DSE: variants seen among roughly 807,000 people sequenced by gnomAD.
DSE encodes the protein dermatan sulfate epimerase, also known as dermatan-sulfate epimerase.
A neutral mutation model predicts 84.4 loss-of-function variants in DSE; 36 were observed. The observed-to-expected ratio is 0.43, with a 90% CI of 0.33 to 0.56. The LOEUF (loss-of-function observed/expected upper bound fraction) is 0.56, where lower values mean the gene tolerates loss of function less well. Among genes scored for constraint, DSE ranks in the 20% least tolerant of loss-of-function variants. The probability of loss-of-function intolerance (pLI) is 0.06; values close to 1 mark genes in which losing one functional copy is unlikely to be tolerated. For synonymous variants in DSE, 410 were observed against 430.1 expected (o/e 0.95, Z 0.58); for missense variants, 862 against 1,169.6 (o/e 0.74, Z 3.84).
chr6:116,340,908 T>G (rs991956689), intron 2 of DSE, among the ~76,000 whole-genome samples: 2 of 152,260 alleles, frequency 1.3e-5, no homozygotes, highest in Non-Finnish European at 2.9e-5. Context: ...TTTGGGTTGG[T>G]TCCAAGGCTT....
intron 2 of DSE, chr6:116,412,725 G>C (rs575384043): frequency 1.3e-5 from 2 of 151,988 alleles, no homozygotes; most frequent in African/African-American, 4.8e-5. Context: ...TTTAGATTTA[G>C]GGGGTACATG....
upstream of DSE, among the ~76,000 whole-genome samples, chr6:116,369,513 AT>A (rs1779378853): frequency 6.6e-6 from 1 of 152,330 alleles, no homozygotes; most frequent in African/African-American, 2.4e-5. Context: ...AAGGTATTAT[AT>A]TGTTACACTA....
chr6:116,418,961 C>A (rs1006968165), intron 2 of DSE, among the ~76,000 whole-genome samples: 3 of 152,208 alleles, frequency 2.0e-5, no homozygotes, highest in Non-Finnish European at 4.4e-5. Context: ...GGGCACATAA[C>A]ATGTGCTTAA....
intron 2 of DSE, among the ~76,000 whole-genome samples, chr6:116,364,320 A>G (rs1422834171): frequency 6.6e-6 from 1 of 152,260 alleles, no homozygotes; most frequent in Non-Finnish European, 1.5e-5. Flanking sequence ...AAAAAGAACC[A>G]GTGTGTATTC....
At chr6:116,312,957 G>T (rs1203551954) in intron 2 of DSE, among the ~76,000 whole-genome samples, 1 of 152,040 alleles carries the variant, frequency 6.6e-6, no homozygotes, top group Admixed American at 6.6e-5. Context: ...AAATATATAT[G>T]TATATAGAAG....
rs765969508 is a variant in DSE at position 116,410,733 on chromosome 6, C to CAAAAAA, written c.416+11095_416+11100dup. 4.5e-3 allele frequency among the ~76,000 whole-genome samples: 355 copies of CAAAAAA among 79,564 alleles called. 6 individuals are homozygous for CAAAAAA. The highest frequency in any genetic ancestry group is 8.8e-3 in the Middle Eastern group (1 of 114). 52.2% of individuals were successfully genotyped at this position (79,564 alleles called of 152,430 possible). On this transcript the variant is annotated intron_variant, in intron 2 of 5. Coordinates refer to ENST00000644252, the MANE Select transcript of DSE (RefSeq NM_013352.4). ...TGGGCGACAGAGCGAGACTCTGTCT[C>CAAAAAA]AAAAAAAAAAAAAAAAAAAAAAAAA...
chr6:116,370,031 G>A, upstream of DSE: 4 of 1,086,920 alleles, frequency 3.7e-6, no homozygotes, highest in Non-Finnish European at 2.5e-6. Context: ...TGAGGTGATG[G>A]CCCTGATCCT....
chr6:116,364,702 T>G (rs1779068650), intron 2 of DSE, among the ~76,000 whole-genome samples: 1 of 152,232 alleles, frequency 6.6e-6, no homozygotes, highest in African/African-American at 2.4e-5. Flanking sequence ...AATACATTAG[T>G]GAGCTTGAGT....
At chr6:116,421,464 T>TATATATATATATATATA (rs57759351) in intron 2 of DSE, among the ~76,000 whole-genome samples, 12 of 39,836 alleles carry the variant, frequency 3.0e-4, no homozygotes, top group South Asian at 1.6e-3. Flanking sequence ...TATATATATA[T>TATATATATATATATATA]TTTTTTTTTT....
At chr6:116,370,346 T>C (rs1011263541), upstream of DSE, 36 of 511,628 alleles carry the variant, frequency 7.0e-5, no homozygotes, top group Non-Finnish European at 8.4e-5. Context: ...GTTGGTACAG[T>C]AAAAAAGAGA....
At chr6:116,316,960 A>C (rs1776019622) in intron 2 of DSE, among the ~76,000 whole-genome samples, 2 of 152,118 alleles carry the variant, frequency 1.3e-5, no homozygotes, top group Non-Finnish European at 2.9e-5. Flanking sequence ...GCAGATGCTG[A>C]TTCAGCATTA....
intron 2 of DSE, among the ~76,000 whole-genome samples, chr6:116,422,252 A>C (rs1365327168): frequency 6.6e-6 from 1 of 152,258 alleles, no homozygotes; most frequent in African/African-American, 2.4e-5. Context: ...TCATCAGAAA[A>C]ATCTTTAAGT....
intron 2 of DSE, among the ~76,000 whole-genome samples, chr6:116,342,194 TG>T (rs1304982234): frequency 1.3e-5 from 2 of 152,112 alleles, no homozygotes; most frequent in Non-Finnish European, 2.9e-5. Context: ...ATAATTATTT[TG>T]TTGGAAAGTG....
At chr6:116,259,808 A>G (rs1772328789) in intron 2 of DSE, among the ~76,000 whole-genome samples, 1 of 152,206 alleles carries the variant, frequency 6.6e-6, no homozygotes, top group Non-Finnish European at 1.5e-5. Flanking sequence ...TGTTCCTGCA[A>G]AGGACATGAT....
At chr6:116,391,217 A>G (rs1780881214) in intron 1 of DSE, among the ~76,000 whole-genome samples, 1 of 152,238 alleles carries the variant, frequency 6.6e-6, no homozygotes, top group African/African-American at 2.4e-5. Flanking sequence ...GGACAATGAT[A>G]GAAATGTTCT....
chr6:116,417,754 C>A (rs1782808096), intron 2 of DSE, among the ~76,000 whole-genome samples: 1 of 152,152 alleles, frequency 6.6e-6, no homozygotes, highest in Non-Finnish European at 1.5e-5. Context: ...ACCGTTCATC[C>A]TTCTAGCAAT....
At chr6:116,259,480 C>G (rs1772311119) in intron 2 of DSE, among the ~76,000 whole-genome samples, 1 of 152,180 alleles carries the variant, frequency 6.6e-6, no homozygotes. Context: ...ACATTTATAT[C>G]TCTTTGATTA....
At chr6:116,371,420 T>A (rs563512494) in intron 1 of DSE, among the ~76,000 whole-genome samples, 1 of 152,280 alleles carries the variant, frequency 6.6e-6, no homozygotes, top group African/African-American at 2.4e-5. Context: ...GGGAACACGA[T>A]GAGAACCTGG....
Position 116,437,441 on chromosome 6 carries a change from C to A in DSE, c.*96C>A. ...CCCAGATTATCAGATTTTTTTCCCT[C>A]AGATTCATTTTAACAAATTAAGGGA... On this transcript the variant is annotated 3_prime_UTR_variant, in exon 6 of 6. Transcript: ENST00000644252. 3.4e-6 allele frequency: 4 copies of A among 1,169,136 alleles called. No individual in the cohort carries two copies. The highest frequency in any genetic ancestry group is 4.6e-6 in the Non-Finnish European group (4 of 861,136). The allele number at this position is 1,169,136 out of a possible 1,614,324, so 72.4% of individuals were successfully genotyped here.
Sources: allele counts gnomAD v4.1 joint callset (sites outside exome capture counted in the v4.1 genomes callset), GRCh38; gene constraint gnomAD v4.1.1; transcripts MANE v1.5; gene names NCBI Gene and HGNC (gene_info 2026-07-23, HGNC 2026-07-21).